The following ZNF48 variants were observed in gnomAD, a reference collection of about 807,000 sequenced individuals.
ZNF48 encodes the protein zinc finger protein 553.
A neutral mutation model predicts 40.0 loss-of-function variants in ZNF48; 20 were observed. That is an observed-to-expected ratio of 0.50 (90% CI 0.35 to 0.73). The LOEUF (loss-of-function observed/expected upper bound fraction) is 0.73. Among genes scored for constraint, ZNF48 ranks in the 30% least tolerant of loss-of-function variants. The pLI is 0.01. For synonymous variants in ZNF48, 298 were observed against 329.7 expected, an observed-to-expected ratio of 0.90 and a Z score of 1.04; for missense variants, 726 against 851.9, an observed-to-expected ratio of 0.85 and a Z score of 1.84.
At chr16:30,392,255 C>G (rs1004227275), upstream of ZNF48, among the ~76,000 whole-genome samples, 28 of 152,122 alleles carry the variant, frequency 1.8e-4, no homozygotes, top group African/African-American at 6.8e-4. Flanking sequence ...AATCTTCTGA[C>G]CTCGTGATCC....
rs2049805879 is a variant in ZNF48, at chr16:30,379,346, G to C, written c.-16+936G>C. On this transcript the variant is annotated intron_variant, in intron 1 of 2. Coordinates refer to the ZNF48 transcript ENST00000528032. ...CCTCCTAGGATCCCCTGGGACCAAA[G>C]CCCACCCCAACTTCACATGTTGAGT... 4.9e-6 allele frequency: 7 copies of C among 1,438,660 alleles called. 1 individual carries two copies. The highest frequency in any genetic ancestry group is 1.7e-5 in the Admixed American group (1 of 57,148). The allele number at this position is 1,438,660 out of a possible 1,614,324, so 89.1% of individuals were successfully genotyped here.
chr16:30,381,572 T>C lies in ZNF48; in HGVS notation c.-16+3162T>C, dbSNP rs904158471. Reference sequence around the variant, plus strand: ...GGGAGTAGAATGTCATTTCTTTGGCTCCCTCCAAAGACATTAAGGGGAACT... The same window carrying C: ...GGGAGTAGAATGTCATTTCTTTGGCCCCCTCCAAAGACATTAAGGGGAACT... On this transcript the variant is annotated intron_variant, in intron 1 of 2. Coordinates refer to the ZNF48 transcript ENST00000528032. This position sits in a 1 kb window ranked among gnomAD's most constrained non-coding sequence, Gnocchi z 4.3. 2.0e-6 allele frequency: 3 copies of C among 1,517,976 alleles called. No homozygotes were observed. Among genetic ancestry groups the C allele is most frequent in the Non-Finnish European group, 2.7e-6 (3 of 1,105,010 alleles). 94.0% of individuals were successfully genotyped at this position (1,517,976 alleles called of 1,614,324 possible). A position where few individuals can be genotyped will look rare whatever the true frequency, so the allele number is the denominator to read the frequency against.
rs1386244185 is a variant in ZNF48 at position 30,381,911 on chromosome 16, C to T, written c.-16+3501C>T. ...GTGGGATGGGGGAGAGGTCAGGGAT[C>T]CGGGGAGGCTCTGAGGCAGAATTAA... On this transcript the variant is annotated intron_variant, in intron 1 of 2. Coordinates refer to the ZNF48 transcript ENST00000528032. This position sits in a 1 kb window ranked among gnomAD's most constrained non-coding sequence, Gnocchi z 4.3. The T allele has an allele frequency of 6.2e-7, 1 of 1,613,434 alleles. No homozygotes were observed. The highest frequency in any genetic ancestry group is 1.1e-5 in the South Asian group (1 of 91,038).
Position 30,381,611 on chromosome 16 carries a change from G to T in ZNF48, c.-16+3201G>T. On this transcript the variant is annotated intron_variant, in intron 1 of 2. Transcript: ENST00000528032. The surrounding 1 kb of genome is among the most constrained non-coding windows in gnomAD (Gnocchi z 4.3). ...TTAAGGGGAACTGGTGGGGGCCTAG[G>T]TGAGTCATCAAGAAGCACAGGGACC... 6.9e-7 allele frequency: 1 copy of T among 1,457,392 alleles called. No individual in the cohort carries two copies. The highest frequency in any genetic ancestry group is 1.4e-5 in the African/African-American group (1 of 71,386). 90.3% of individuals were successfully genotyped at this position (1,457,392 alleles called of 1,614,324 possible).
chr16:30,379,411 G>A, intron 1 of ZNF48: 5 of 1,602,110 alleles, frequency 3.1e-6, no homozygotes, highest in Non-Finnish European at 4.3e-6. Flanking sequence ...GCTGGCCTTA[G>A]GACCCCTGCC....
intron 1 of ZNF48, among the ~76,000 whole-genome samples, chr16:30,385,382 T>C (rs551056052): frequency 6.6e-6 from 1 of 152,012 alleles, no homozygotes; most frequent in South Asian, 2.1e-4. Flanking sequence ...ATCCCAGGAC[T>C]TGGGGAGGCC....
chr16:30,387,509 C>T (rs1462462430), intron 1 of ZNF48, among the ~76,000 whole-genome samples: 8 of 145,898 alleles, frequency 5.5e-5, no homozygotes, highest in South Asian at 2.4e-4. Flanking sequence ...GAGTGGAGAT[C>T]GCACCATCGC....
chr16:30,378,364 G>A, exon 1 of ZNF48: 11 of 1,407,782 alleles, frequency 7.8e-6, no homozygotes, highest in Non-Finnish European at 1.0e-5. Context: ...GCTGGGCAGT[G>A]TGGGGCGCGG....
upstream of ZNF48, among the ~76,000 whole-genome samples, chr16:30,394,032 T>C (rs373353883): frequency 3.8e-3 from 555 of 145,494 alleles, 5 homozygotes; most frequent in East Asian, 7.3e-3. Context: ...CTCTCTCTCT[T>C]TTTTTTTTTT....
chr16:30,394,759 AT>A, upstream of ZNF48: 1 of 156,998 alleles, frequency 6.4e-6, no homozygotes, highest in Non-Finnish European at 1.4e-5. Context: ...GGCTCCCCTT[AT>A]TTTTGGTCAG....
intron 1 of ZNF48, among the ~76,000 whole-genome samples, chr16:30,390,122 G>A (rs867338633): frequency 2.6e-5 from 4 of 151,802 alleles, no homozygotes; most frequent in Middle Eastern, 3.4e-3. Flanking sequence ...TGCCCAGCCC[G>A]TATTAGTTCT....
chr16:30,395,211 T>C (rs949633865), upstream of ZNF48: 2 of 455,834 alleles, frequency 4.4e-6, no homozygotes, highest in South Asian at 3.1e-5. This position sits in a 1 kb window ranked among gnomAD's most constrained non-coding sequence, Gnocchi z 5.9. Flanking sequence ...ACGAAGAGCC[T>C]CGGGCCTCAC....
chr16:30,385,215 TA>T (rs2049892130), intron 1 of ZNF48, among the ~76,000 whole-genome samples: 1 of 135,952 alleles, frequency 7.4e-6, no homozygotes, highest in Middle Eastern at 3.5e-3. Flanking sequence ...ATAATAATAA[TA>T]ATAATATAAA....
chr16:30,398,033 C>T lies in ZNF48; in HGVS notation c.783C>T (p.Ala261=), dbSNP rs199773464. Residue 261 remains alanine (A), a synonymous_variant, in exon 3 of 3, where the codon GCC becomes GCT. Transcript: ENST00000613509. The surrounding 1 kb of genome is among the most constrained non-coding windows in gnomAD (Gnocchi z 6.6). Reference sequence around the variant, plus strand: ...CCCGACGGCAGCCATCTCGGGCAGCCACGGCAGCTACCCAGGGACCGAAGG... The same window carrying T: ...CCCGACGGCAGCCATCTCGGGCAGCTACGGCAGCTACCCAGGGACCGAAGG... ...VVPRRQPSRA[A]TAATQGPKAQ... The T allele has an allele frequency of 6.2e-7, 1 of 1,612,330 alleles. No individual in the cohort carries two copies. The highest frequency in any genetic ancestry group is 1.7e-5 in the Admixed American group (1 of 59,890).
At chr16:30,384,402 C>T (rs1167742054) in intron 1 of ZNF48, among the ~76,000 whole-genome samples, 2 of 150,592 alleles carry the variant, frequency 1.3e-5, no homozygotes, top group African/African-American at 2.5e-5. Context: ...GTGGCATTGC[C>T]TGTAGTCCCA....
Position 30,386,618 on chromosome 16 carries a change from C to T in ZNF48, c.-16+8208C>T, listed in dbSNP as rs140194879. 5.8e-4 allele frequency among the ~76,000 whole-genome samples: 89 copies of T among 152,192 alleles called. 2 individuals are homozygous for T. In the East Asian group the frequency reaches 0.017, roughly 28 times the overall value. Reference sequence around the variant, plus strand: ...GTCTGTGTGACAGAGCCAGACCCTACCTCGAAAAAAATATATTTTTTAATG... The same window carrying T: ...GTCTGTGTGACAGAGCCAGACCCTATCTCGAAAAAAATATATTTTTTAATG... On this transcript the variant is annotated intron_variant, in intron 1 of 2. Transcript: ENST00000528032.
rs772239110 is a variant in ZNF48 at position 30,397,472 on chromosome 16, C to T, written c.222C>T (p.Asn74=). The change falls in exon 3 of 3, where the codon AAC becomes AAT. Residue 74 remains asparagine (N), a synonymous_variant. Transcript: ENST00000613509. This position sits in a 1 kb window ranked among gnomAD's most constrained non-coding sequence, Gnocchi z 4.1. ...NASLKPEGIQ[N]WDDLWVQREG... ...CTCTCAAACCTGAAGGCATCCAGAA[C>T]TGGGATGACTTATGGGTCCAGAGAG... 1 of 1,614,124 alleles carries T rather than the reference C, an allele frequency of 6.2e-7. No homozygotes were observed. The highest frequency in any genetic ancestry group is 2.2e-5 in the East Asian group (1 of 44,890).
chr16:30,378,346 CGGG>C (rs988503603), exon 1 of ZNF48: 17 of 1,294,642 alleles, frequency 1.3e-5, no homozygotes, highest in Non-Finnish European at 1.8e-5. Context: ...GCGGAGGTCC[CGGG>C]GGGCGCTGGG....
Position 30,398,225 on chromosome 16 carries a change from C to A in ZNF48, c.975C>A (p.His325Gln). Residue 325 changes from histidine to glutamine, a missense_variant, in exon 3 of 3, where the codon CAC becomes CAA. His to Gln is a conservative substitution (Grantham distance 24). Transcript: ENST00000613509. The surrounding 1 kb of genome is among the most constrained non-coding windows in gnomAD (Gnocchi z 6.6). ...GSDLVKHLRVHTGEKPYLCPE... is the reference protein window; with the variant it reads ...GSDLVKHLRVQTGEKPYLCPE... ...ACCTGGTGAAGCACCTGCGGGTGCA[C>A]ACGGGTGAGAAGCCCTACCTCTGCC... 2 of 1,613,752 alleles carry A rather than the reference C, an allele frequency of 1.2e-6. No individual in the cohort carries two copies. Among genetic ancestry groups the A allele is most frequent in the Non-Finnish European group, 1.7e-6 (2 of 1,180,030 alleles).
Sources: allele counts gnomAD v4.1 joint callset (sites outside exome capture counted in the v4.1 genomes callset), GRCh38; gene constraint gnomAD v4.1.1; non-coding constraint Gnocchi (gnomAD v3.1); transcripts MANE v1.5; gene names NCBI Gene and HGNC (gene_info 2026-07-23, HGNC 2026-07-21).